CHRNA9: variants seen among roughly 807,000 people sequenced by gnomAD.
CHRNA9 encodes the protein cholinergic receptor nicotinic alpha 9 subunit, also known as neuronal acetylcholine receptor subunit alpha-9.
In CHRNA9, 24 loss-of-function variants were observed where a neutral mutation model predicts 36.8. That is an observed-to-expected ratio of 0.65 (90% confidence interval 0.47 to 0.92). The LOEUF (loss-of-function observed/expected upper bound fraction) is 0.92, where lower values mean the gene tolerates loss of function less well. CHRNA9 is among the 40% of genes least tolerant of loss of function. The probability of loss-of-function intolerance (pLI) is 0.00; values close to 1 mark genes in which losing one functional copy is unlikely to be tolerated. For missense variants in CHRNA9, 610 were observed against 601.2 expected (o/e 1.01, Z -0.15); for synonymous variants, 231 against 231.8 (o/e 1.00, Z 0.03).
chr4:40,346,571 A>G (rs1214808324), intron 3 of CHRNA9, among the ~76,000 whole-genome samples: 1 of 152,154 alleles, frequency 6.6e-6, no homozygotes, highest in Non-Finnish European at 1.5e-5. Context: ...CACTTCTCAG[A>G]TAGCTAACTG....
At chr4:40,345,950 A>C (rs1283183893) in intron 3 of CHRNA9, among the ~76,000 whole-genome samples, 2 of 152,178 alleles carry the variant, frequency 1.3e-5, no homozygotes, top group Non-Finnish European at 2.9e-5. Flanking sequence ...GCTTGAACCC[A>C]GGAGGCAGAG....
Position 40,335,821 on chromosome 4 carries a change from G to A in CHRNA9, c.65-6G>A, listed in dbSNP as rs1263402082. On this transcript the variant is annotated splice_region_variant and splice_polypyrimidine_tract_variant and intron_variant, in intron 1 of 4. Coordinates refer to ENST00000310169, the MANE Select transcript of CHRNA9 (RefSeq NM_017581.4). ...AATGTTAATCCAGATCCCTCTTGTT[G>A]AGTAGCTGCAGAGACGGCAGATGGA... 5 of 1,611,376 alleles carry A rather than the reference G, an allele frequency of 3.1e-6. No individual in the cohort carries two copies. The Admixed American group carries it at 5.0e-5, about 16-fold the overall frequency.
intron 4 of CHRNA9, chr4:40,349,696 C>T (rs1712741699): frequency 5.9e-6 from 2 of 340,136 alleles, no homozygotes; most frequent in African/African-American, 4.1e-5. Context: ...AGATGCACAG[C>T]ATCGGCATCC....
Position 40,335,527 on chromosome 4 carries a change from G to A in CHRNA9, c.60G>A (p.Leu20=), listed in dbSNP as rs1465250892. The A allele has an allele frequency of 5.6e-6, 9 of 1,610,294 alleles. No homozygotes were observed. The highest frequency in any genetic ancestry group is 1.3e-5 in the African/African-American group (1 of 74,882). The change falls in exon 1 of 5, where the codon CTG becomes CTA. Residue 20 remains leucine (L), a synonymous_variant. Transcript: ENST00000310169. The part of the protein sequence containing the change: ...FCWIYFAASR[L]RAAETADGKY... ...GGATCTACTTTGCTGCTTCCAGACT[G>A]AGAGGTGAGAGGCTGGTGACACGTA... is the stretch of plus-strand genomic sequence containing the variant.
At chr4:40,349,462 G>A (rs1712735526) in intron 4 of CHRNA9, 48 bp downstream of exon 4, 1 of 1,550,544 alleles carries the variant, frequency 6.4e-7, no homozygotes, top group Non-Finnish European at 8.8e-7. Flanking sequence ...TAGTGCCTGG[G>A]GTCATGCCTT....
Position 40,354,392 on chromosome 4 carries a change from C to A in CHRNA9, c.1312C>A (p.His438Asn). The change falls in exon 5 of 5, where the codon CAC becomes AAC. Residue 438 changes from histidine (H) to asparagine (N), a missense_variant. Coordinates refer to ENST00000310169, the MANE Select transcript of CHRNA9 (RefSeq NM_017581.4). The stretch of plus-strand genomic sequence containing the variant: ...GTACATCGCCAAGTGCCTCAAAGAC[C>A]ACAAGGCCACCAATTCCAAGGGGAG... ...IEYIAKCLKD[H>N]KATNSKGSEW... is the part of the protein sequence containing the mutation. The A allele has an allele frequency of 6.2e-7, 1 of 1,614,106 alleles. No individual in the cohort carries two copies. The highest frequency in any genetic ancestry group is 8.5e-7 in the Non-Finnish European group (1 of 1,179,972).
At position 40,354,032 on chromosome 4, in the gene CHRNA9, A is replaced by T. The variant is rs768773179; in HGVS notation, c.952A>T (p.Ile318Phe). 3 of 1,614,062 alleles carry T rather than the reference A, an allele frequency of 1.9e-6. No homozygotes were observed. The highest frequency in any genetic ancestry group is 2.5e-6 in the Non-Finnish European group (3 of 1,180,028). The change falls in exon 5 of 5, where the codon ATC (isoleucine) becomes TTC (phenylalanine). Residue 318 changes from isoleucine (I) to phenylalanine (F), a missense_variant. Ile to Phe is a conservative substitution (Grantham distance 21). Coordinates refer to ENST00000310169, the MANE Select transcript of CHRNA9 (RefSeq NM_017581.4). Reference sequence around the variant, plus strand: ...GATCACAGCCTCCACTGCGTTGACCATCATGGTGATGAATATCCACTTCTG... The same window carrying T: ...GATCACAGCCTCCACTGCGTTGACCTTCATGGTGATGAATATCCACTTCTG... Reference protein sequence around the residue: ...ALITASTALTIMVMNIHFCGA... With the variant: ...ALITASTALTFMVMNIHFCGA...
chr4:40,354,686 T>G lies in CHRNA9; in HGVS notation c.*166T>G. 1 of 644,934 alleles carries G rather than the reference T, an allele frequency of 1.6e-6. No homozygotes were observed. Among genetic ancestry groups the G allele is most frequent in the Non-Finnish European group, 2.6e-6 (1 of 382,650 alleles). The allele number at this position is 644,934 out of a possible 1,614,324, so 40.0% of individuals were successfully genotyped here. ...GTCGAAGCTATCTGCTCTGTTAAATTAAGCAGAAGAACCAAAATTTCAAGG... is the reference window on the plus strand; with the variant it reads ...GTCGAAGCTATCTGCTCTGTTAAATGAAGCAGAAGAACCAAAATTTCAAGG... On this transcript the variant is annotated 3_prime_UTR_variant, in exon 5 of 5. Transcript: ENST00000310169.
chr4:40,349,326 C>T lies in CHRNA9; in HGVS notation c.810C>T (p.Ser270=). The part of the protein sequence containing the change: ...YLPAASGEKV[S]LGVTILLAMT... ...CAGCAGCCTCCGGAGAAAAGGTCTC[C>T]CTGGGAGTGACCATCCTGTTGGCCA... The change falls in exon 4 of 5, where the codon TCC becomes TCT. Residue 270 remains serine (S), a synonymous_variant. Transcript: ENST00000310169. 6.2e-7 allele frequency: 1 copy of T among 1,614,084 alleles called. No homozygotes were observed. The highest frequency in any genetic ancestry group is 8.5e-7 in the Non-Finnish European group (1 of 1,179,988).
At chr4:40,337,441 A>T in intron 3 of CHRNA9, 77 bp downstream of exon 3, 1 of 1,494,592 alleles carries the variant, frequency 6.7e-7, no homozygotes. Context: ...ATGAAAAAGG[A>T]ATGTTTAAAA....
At chr4:40,336,326 T>TG (rs1712317984) in intron 2 of CHRNA9, among the ~76,000 whole-genome samples, 1 of 152,080 alleles carries the variant, frequency 6.6e-6, no homozygotes, top group Admixed American at 6.6e-5. Context: ...AAACGGCCAG[T>TG]GAGTTCTTAA....
chr4:40,346,904 G>A (rs1485442286), intron 3 of CHRNA9, among the ~76,000 whole-genome samples: 10 of 152,112 alleles, frequency 6.6e-5, no homozygotes, highest in Admixed American at 6.6e-4. Flanking sequence ...TCTGCCTCCT[G>A]AGTTCAAGTG....
intron 3 of CHRNA9, among the ~76,000 whole-genome samples, chr4:40,339,824 A>C (rs1484495510): frequency 1.4e-5 from 2 of 143,620 alleles, no homozygotes; most frequent in East Asian, 4.0e-4. Flanking sequence ...CACCATGCCT[A>C]GTTATTGTTT....
At chr4:40,336,246 C>A (rs998704366) in intron 2 of CHRNA9, among the ~76,000 whole-genome samples, 1 of 152,054 alleles carries the variant, frequency 6.6e-6, no homozygotes, top group Non-Finnish European at 1.5e-5. Flanking sequence ...TATAAAATGT[C>A]CAAAAGAGGT....
chr4:40,344,332 A>C (rs941717228), intron 3 of CHRNA9, among the ~76,000 whole-genome samples: 1 of 152,164 alleles, frequency 6.6e-6, no homozygotes, highest in Non-Finnish European at 1.5e-5. Context: ...GGAGTTTGAG[A>C]CCAGCCTGGC....
At chr4:40,352,736 T>C (rs1030674244) in intron 4 of CHRNA9, among the ~76,000 whole-genome samples, 2 of 152,188 alleles carry the variant, frequency 1.3e-5, no homozygotes, top group Admixed American at 6.5e-5. Context: ...ATCTTAATTG[T>C]TTCCTTCCTT....
chr4:40,347,771 A>G (rs758353812), intron 3 of CHRNA9: 5 of 152,210 alleles, frequency 3.3e-5, no homozygotes, highest in African/African-American at 4.8e-5. Context: ...CCATGAATGT[A>G]CTTTTTCTGT....
At chr4:40,353,280 C>T (rs1270795029) in intron 4 of CHRNA9, among the ~76,000 whole-genome samples, 1 of 152,134 alleles carries the variant, frequency 6.6e-6, no homozygotes, top group African/African-American at 2.4e-5. Context: ...CTCTCAAGTT[C>T]AGGAGTTCGA....
At position 40,354,357 on chromosome 4, in the gene CHRNA9, G is replaced by A. The variant is rs773078059; in HGVS notation, c.1277G>A (p.Arg426Lys). Residue 426 changes from arginine to lysine, a missense_variant, in exon 5 of 5, where the codon AGG (arginine) becomes AAG (lysine). Arg to Lys is a conservative substitution (Grantham distance 26). Coordinates refer to ENST00000310169, the MANE Select transcript of CHRNA9 (RefSeq NM_017581.4). ...TGTGCACAGTACAAAGTGCTGACGA[G>A]GAATATTGAGTACATCGCCAAGTGC... ...SYCAQYKVLT[R>K]NIEYIAKCLK... 19 of 1,614,160 alleles carry A rather than the reference G, an allele frequency of 1.2e-5. No homozygotes were observed. Among genetic ancestry groups the A allele is most frequent in the Non-Finnish European group, 1.4e-5 (17 of 1,180,030 alleles).
Sources: gnomAD v4.1 joint callset for allele counts (sites outside exome capture counted in the v4.1 genomes callset) on GRCh38, gnomAD v4.1.1 for gene constraint, MANE v1.5 for transcripts, NCBI Gene and HGNC (gene_info 2026-07-23, HGNC 2026-07-21) for gene names.